The following TRIP6 variants were observed in gnomAD, a reference collection of about 807,000 sequenced individuals.
The protein encoded by TRIP6 is thyroid receptor-interacting protein 6.
In TRIP6, 33 loss-of-function variants were observed where a neutral mutation model predicts 51.9. The ratio of observed to expected loss-of-function variants is 0.64; its 90% CI spans 0.48 to 0.85. The LOEUF is 0.85. Among genes scored for constraint, TRIP6 ranks in the 40% least tolerant of loss-of-function variants. TRIP6 has a pLI of 0.00. For synonymous variants in TRIP6, 255 were observed against 275.8 expected (o/e 0.92, Z 0.75); for missense variants, 661 against 652.1 (o/e 1.01, Z -0.15).
In TRIP6 at chr7:100,873,325, G is replaced by A; in HGVS notation, c.*22G>A. ...CTGAGTCTTCCTAGAAGTACCTGCT[G>A]GGTTCTCAGTTCCAGTTCCCATCCT... On this transcript the variant is annotated 3_prime_UTR_variant, in exon 9 of 9. Transcript: ENST00000200457. 6.3e-7 allele frequency: 1 copy of A among 1,587,644 alleles called. No homozygotes were observed. Among genetic ancestry groups the A allele is most frequent in the Non-Finnish European group, 8.6e-7 (1 of 1,160,742 alleles).
chr7:100,872,896 G>A (rs1171334594), intron 8 of TRIP6, 152 bp downstream of exon 8: 9 of 1,313,160 alleles, frequency 6.9e-6, no homozygotes, highest in Admixed American at 5.8e-5. Context: ...TGTTGCCCAG[G>A]CTGGAGTGCA....
chr7:100,871,597 C>T lies in TRIP6; in HGVS notation c.1054C>T (p.Arg352Trp), dbSNP rs764556423. The stretch of plus-strand genomic sequence containing the variant: ...CCAGCCCATCCTGGACCGGATCCTG[C>T]GGGCTATGGGGAAGGCCTACCACCC... ...CSQPILDRIL[R>W]AMGKAYHPGC... Residue 352 changes from arginine (R) to tryptophan (W), a missense_variant, in exon 7 of 9, where the codon CGG becomes TGG. Arg to Trp is a moderately radical substitution (Grantham distance 101). Coordinates refer to ENST00000200457, the MANE Select transcript of TRIP6 (RefSeq NM_003302.3). 55 of 1,613,962 alleles carry T rather than the reference C, an allele frequency of 3.4e-5. No homozygotes were observed. The highest frequency in any genetic ancestry group is 6.6e-5 in the South Asian group (6 of 91,088).
In TRIP6 at chr7:100,868,605, T is replaced by G. The variant is rs1815199525; in HGVS notation, c.474T>G (p.Thr158=). ...GGGGCCCCACTCCAGCCTCTTACAC[T>G]ACCGCCAGCACCCCGGCTGGCCCAG... The part of the protein sequence containing the change: ...PYGGPTPASY[T]TASTPAGPAF... The change falls in exon 4 of 9, where the codon ACT becomes ACG. Residue 158 remains threonine, a synonymous_variant. Transcript: ENST00000200457. 1 of 1,612,694 alleles carries G rather than the reference T, an allele frequency of 6.2e-7. No individual in the cohort carries two copies.
chr7:100,870,861 GA>G (rs1406993638), intron 6 of TRIP6, 118 bp downstream of exon 6: 2 of 1,363,232 alleles, frequency 1.5e-6, no homozygotes, highest in African/African-American at 2.9e-5. Context: ...CCAGGCGACT[GA>G]AAGTGATGTA....
chr7:100,868,991 A>C, intron 4 of TRIP6, 125 bp downstream of exon 4: 2 of 1,283,220 alleles, frequency 1.6e-6, no homozygotes, highest in Non-Finnish European at 2.0e-6. Flanking sequence ...TTGTTTGCCC[A>C]GGCTGGGGTG....
rs757167655 is a variant in TRIP6, at chr7:100,867,894, C to T, written c.143C>T (p.Pro48Leu). The change falls in exon 2 of 9, where the codon CCC (proline) becomes CTC (leucine). Residue 48 changes from proline to leucine, a missense_variant. By Grantham distance (98) the Pro-to-Leu change is moderately conservative (BLOSUM62 -3). Transcript: ENST00000200457. This position sits in a 1 kb window ranked among gnomAD's most constrained non-coding sequence, Gnocchi z 5.4. ...CCCCACCCCAGGGTCAATTTTTGCCCCCTTCCATCTGAGCAGTGTTACCAG... is the reference window on the plus strand; with the variant it reads ...CCCCACCCCAGGGTCAATTTTTGCCTCCTTCCATCTGAGCAGTGTTACCAG... ...LQPHPRVNFCPLPSEQCYQAP... is the reference protein window; with the variant it reads ...LQPHPRVNFCLLPSEQCYQAP... 9 of 1,532,568 alleles carry T rather than the reference C, an allele frequency of 5.9e-6. No homozygotes were observed. The highest frequency in any genetic ancestry group is 1.8e-4 in the Middle Eastern group (1 of 5,658). The allele number at this position is 1,532,568 out of a possible 1,614,324, so 94.9% of individuals were successfully genotyped here. A position where few individuals can be genotyped will look rare whatever the true frequency, so the allele number is the denominator to read the frequency against.
chr7:100,867,867 AG>A lies in TRIP6; in HGVS notation c.117del (p.Gln39HisfsTer59). 1 of 1,536,332 alleles carries A rather than the reference AG, an allele frequency of 6.5e-7. No individual in the cohort carries two copies. The highest frequency in any genetic ancestry group is 2.3e-5 in the East Asian group (1 of 43,040). On this transcript the variant is annotated frameshift_variant, in exon 2 of 9. Coordinates refer to ENST00000200457, the MANE Select transcript of TRIP6 (RefSeq NM_003302.3). LOFTEE classifies it high-confidence loss of function. This position sits in a 1 kb window ranked among gnomAD's most constrained non-coding sequence, Gnocchi z 5.4. ...GPPPAHGAAL[Q>X]PHPRVNFCPL... The stretch of plus-strand genomic sequence containing the variant: ...TTCTCTTCCCTCAACCCAGCACTCC[AG>A]CCCCACCCCAGGGTCAATTTTTGCC...
In TRIP6 at chr7:100,873,201, C is replaced by T. The variant is rs371571356; in HGVS notation, c.1329C>T (p.Gly443=). 57 of 1,613,290 alleles carry T rather than the reference C, an allele frequency of 3.5e-5. No homozygotes were observed. The highest frequency in any genetic ancestry group is 1.1e-4 in the South Asian group (10 of 91,060). The change falls in exon 9 of 9, where the codon GGC becomes GGT. Residue 443 remains glycine, a synonymous_variant. Coordinates refer to ENST00000200457, the MANE Select transcript of TRIP6 (RefSeq NM_003302.3). ...GTGGGCTGCTGCTCTCCTCTGAGGGCGAGTGTCAGGGCTGCTACCCGCTGG... is the reference window on the plus strand; with the variant it reads ...GTGGGCTGCTGCTCTCCTCTGAGGGTGAGTGTCAGGGCTGCTACCCGCTGG... ...EECGLLLSSE[G]ECQGCYPLDG...
chr7:100,870,450 C>G lies in TRIP6; in HGVS notation c.816C>G (p.Ser272Arg). The G allele has an allele frequency of 1.4e-6, 2 of 1,475,824 alleles. No homozygotes were observed. Among genetic ancestry groups the G allele is most frequent in the Non-Finnish European group, 1.8e-6 (2 of 1,087,782 alleles). The allele number at this position is 1,475,824 out of a possible 1,614,324, so 91.4% of individuals were successfully genotyped here. ...KLVHDMNHPP[S>R]GEYFGQCGGC... ...TTCACGACATGAACCACCCGCCCAG[C>G]GGGGAGTACTTTGGTGAGCTGAGGC... is the stretch of plus-strand genomic sequence containing the variant. Residue 272 changes from serine to arginine, a missense_variant, in exon 5 of 9, where the codon AGC (serine) becomes AGG (arginine). Ser to Arg is a moderately radical substitution (Grantham distance 110, BLOSUM62 -1). Coordinates refer to ENST00000200457, the MANE Select transcript of TRIP6 (RefSeq NM_003302.3).
chr7:100,870,794 T>C, intron 6 of TRIP6, 51 bp downstream of exon 6: 1 of 1,571,648 alleles, frequency 6.4e-7, no homozygotes, highest in Non-Finnish European at 8.6e-7. Flanking sequence ...TGCAGGGGGC[T>C]TCCATCCAAG....
chr7:100,869,843 G>C (rs1028062847), intron 4 of TRIP6, among the ~76,000 whole-genome samples: 1 of 150,288 alleles, frequency 6.7e-6, no homozygotes, highest in Non-Finnish European at 1.5e-5. Context: ...GATGGTTTCA[G>C]GATGATTCAA....
chr7:100,867,654 AC>A lies in TRIP6; in HGVS notation c.109+50del. ...GAAGAGCCACCCAGCTGTGGCGCTCACCTCTGTCCTACCGCTCCAGCCTCCC... is the reference window on the plus strand; with the variant it reads ...GAAGAGCCACCCAGCTGTGGCGCTCACTCTGTCCTACCGCTCCAGCCTCCC... On this transcript the variant is annotated intron_variant, in intron 1 of 8. Coordinates refer to ENST00000200457, the MANE Select transcript of TRIP6 (RefSeq NM_003302.3). This position sits in a 1 kb window ranked among gnomAD's most constrained non-coding sequence, Gnocchi z 5.4. 1.3e-6 allele frequency: 2 copies of A among 1,559,080 alleles called. No individual in the cohort carries two copies. The highest frequency in any genetic ancestry group is 1.7e-6 in the Non-Finnish European group (2 of 1,153,172).
At chr7:100,872,965 C>T in intron 8 of TRIP6, 1 of 1,078,894 alleles carries the variant, frequency 9.3e-7, no homozygotes, top group Non-Finnish European at 1.3e-6. Flanking sequence ...ATTCTCCTGC[C>T]TCAGCCTCCT....
intron 6 of TRIP6, chr7:100,871,058 C>T: frequency 1.9e-6 from 1 of 539,204 alleles, no homozygotes; most frequent in South Asian, 1.5e-5. Context: ...TTTTTTGAGA[C>T]AGTCTCGCTC....
rs75389432 is a variant in TRIP6 at position 100,872,434 on chromosome 7, C to T, written c.1179-190C>T. Among the ~76,000 whole-genome samples, 50 of 152,006 alleles carry T rather than the reference C, an allele frequency of 3.3e-4. No individual in the cohort carries two copies. In the East Asian group the frequency reaches 8.2e-3, roughly 25 times the overall value. On this transcript the variant is annotated intron_variant, in intron 7 of 8. Coordinates refer to ENST00000200457, the MANE Select transcript of TRIP6 (RefSeq NM_003302.3). ...TCCTCCTGCCTTGGCCTCCCAAAGTCGGGGGATTGCAGGCTAGAGCCACTG... is the reference window on the plus strand; with the variant it reads ...TCCTCCTGCCTTGGCCTCCCAAAGTTGGGGGATTGCAGGCTAGAGCCACTG...
intron 4 of TRIP6, among the ~76,000 whole-genome samples, chr7:100,869,347 T>C (rs762279716): frequency 1.3e-4 from 20 of 150,374 alleles, no homozygotes; most frequent in African/African-American, 3.4e-4. Context: ...GAACTGCCCA[T>C]TGGGGCTGAG....
At chr7:100,873,111 AG>A in intron 8 of TRIP6, 60 bp from the exon 9 acceptor site, 2 of 1,574,822 alleles carry the variant, frequency 1.3e-6, no homozygotes, top group Non-Finnish European at 1.7e-6. Context: ...GGCTTCTCAA[AG>A]TGCTGGGATT....
intron 8 of TRIP6, 85 bp downstream of exon 8, chr7:100,872,829 T>G: frequency 6.5e-7 from 1 of 1,542,350 alleles, no homozygotes; most frequent in South Asian, 1.2e-5. Flanking sequence ...GGTCTGGGGT[T>G]GATGGAAACC....
At chr7:100,872,814 A>G in intron 8 of TRIP6, 70 bp downstream of exon 8, 1 of 1,583,286 alleles carries the variant, frequency 6.3e-7, no homozygotes, top group Admixed American at 1.8e-5. Context: ...GAGGGGGAAC[A>G]CAGAGGTCTG....
Sources: allele counts gnomAD v4.1 joint callset (sites outside exome capture counted in the v4.1 genomes callset), GRCh38; gene constraint gnomAD v4.1.1; non-coding constraint Gnocchi (gnomAD v3.1); transcripts MANE v1.5; gene names NCBI Gene and HGNC (gene_info 2026-07-23, HGNC 2026-07-21).